Variants in ASIC2 observed in about 807,000 individuals in gnomAD.
The protein encoded by ASIC2 is acid-sensing ion channel 2.
A neutral mutation model predicts 57.3 loss-of-function variants in ASIC2; 25 were observed. That is an observed-to-expected ratio of 0.44 (90% CI 0.32 to 0.61). ASIC2 has a LOEUF of 0.61. Ranked by LOEUF, ASIC2 falls within the 20% of genes least tolerant of loss-of-function variation. ASIC2 has a pLI of 0.06. For synonymous variants in ASIC2, 319 were observed against 307.5 expected (o/e 1.04, Z -0.39); for missense variants, 641 against 738.1 (o/e 0.87, Z 1.52).
chr17:33,625,187 A>G (rs1268925821), intron 1 of ASIC2, among the ~76,000 whole-genome samples: 3 of 149,346 alleles, frequency 2.0e-5, no homozygotes, highest in South Asian at 2.2e-4. Flanking sequence ...TCTATTATCT[A>G]TCTATTATCT....
At chr17:33,175,218 C>T in intron 1 of ASIC2, among the ~76,000 whole-genome samples, 1 of 152,092 alleles carries the variant, frequency 6.6e-6, no homozygotes, top group East Asian at 1.9e-4. Context: ...AGGCATTTTT[C>T]TTTTGCAAAA....
At chr17:33,728,198 G>A (rs987065761) in intron 1 of ASIC2, among the ~76,000 whole-genome samples, 13 of 152,208 alleles carry the variant, frequency 8.5e-5, no homozygotes, top group African/African-American at 2.6e-4. Context: ...AAGAAGAGCC[G>A]CCACACAGAG....
chr17:33,249,242 G>A (rs181730994), intron 1 of ASIC2, among the ~76,000 whole-genome samples: 88 of 152,214 alleles, frequency 5.8e-4, no homozygotes, highest in African/African-American at 2.0e-3. Flanking sequence ...AATAGGTTTC[G>A]GGAGTAAGAA....
At chr17:33,329,795 T>G (rs1028719639) in intron 1 of ASIC2, among the ~76,000 whole-genome samples, 4 of 152,184 alleles carry the variant, frequency 2.6e-5, no homozygotes, top group Non-Finnish European at 5.9e-5. Flanking sequence ...CATGAATGTT[T>G]GTGAGGATCA....
At chr17:34,023,436 G>A (rs1308597509) in intron 1 of ASIC2, among the ~76,000 whole-genome samples, 1 of 151,620 alleles carries the variant, frequency 6.6e-6, no homozygotes, top group Non-Finnish European at 1.5e-5. Context: ...CTGCTGCAGA[G>A]GCTCACACAC....
chr17:33,203,821 C>T (rs1906965912), intron 1 of ASIC2, among the ~76,000 whole-genome samples: 1 of 152,194 alleles, frequency 6.6e-6, no homozygotes, highest in Non-Finnish European at 1.5e-5. Context: ...GTGGGGCAGG[C>T]CAGTGTCTAG....
At chr17:33,688,134 C>T (rs1259839227) in intron 1 of ASIC2, among the ~76,000 whole-genome samples, 1 of 152,126 alleles carries the variant, frequency 6.6e-6, no homozygotes, top group Non-Finnish European at 1.5e-5. Flanking sequence ...TTTTGCAAAC[C>T]ACCTTTATCA....
At chr17:33,097,455 G>A (rs753508737) in intron 2 of ASIC2, among the ~76,000 whole-genome samples, 33 of 152,228 alleles carry the variant, frequency 2.2e-4, no homozygotes, top group Admixed American at 3.3e-4. Flanking sequence ...TCACGGCTGC[G>A]TAGAATTTTG....
chr17:33,155,503 G>A (rs557669687), intron 1 of ASIC2, among the ~76,000 whole-genome samples: 1 of 149,888 alleles, frequency 6.7e-6, no homozygotes, highest in Admixed American at 6.6e-5. Context: ...GGCTTCTTTG[G>A]CCATTTCTGC....
chr17:33,478,289 C>T (rs184620207), intron 1 of ASIC2, among the ~76,000 whole-genome samples: 10 of 152,306 alleles, frequency 6.6e-5, no homozygotes, highest in East Asian at 1.9e-4. Flanking sequence ...TCCCTTTGGG[C>T]GCCCAGGGGC....
chr17:33,896,582 G>A (rs1915104143), intron 1 of ASIC2, among the ~76,000 whole-genome samples: 1 of 152,242 alleles, frequency 6.6e-6, no homozygotes, highest in Admixed American at 6.5e-5. Context: ...CCTCAAGGAT[G>A]CATTAGCCCA....
intron 1 of ASIC2, among the ~76,000 whole-genome samples, chr17:33,230,515 T>G (rs319746): frequency 0.78 from 118,102 of 152,136 alleles, 46,481 homozygotes; most frequent in African/African-American, 0.89. Flanking sequence ...CAGAGCAGGG[T>G]TGTGGACTGA....
intron 1 of ASIC2, among the ~76,000 whole-genome samples, chr17:33,344,139 G>C (rs1276566409): frequency 1.3e-5 from 2 of 152,222 alleles, no homozygotes; most frequent in African/African-American, 4.8e-5. Context: ...GTTGAGGGCA[G>C]GGATCATGTT....
At chr17:33,123,502 A>G (rs1302585331) in intron 1 of ASIC2, among the ~76,000 whole-genome samples, 2 of 152,148 alleles carry the variant, frequency 1.3e-5, no homozygotes, top group Admixed American at 1.3e-4. Context: ...TTTTTTAAAC[A>G]GTTGCTTGCC....
intron 1 of ASIC2, among the ~76,000 whole-genome samples, chr17:33,355,523 G>A (rs1257981068): frequency 6.6e-6 from 1 of 151,558 alleles, no homozygotes; most frequent in Non-Finnish European, 1.5e-5. Flanking sequence ...TGGGGGCGGG[G>A]GCTTTAAAGA....
intron 1 of ASIC2, among the ~76,000 whole-genome samples, chr17:33,224,088 G>A (rs1907789163): frequency 6.6e-6 from 1 of 152,174 alleles, no homozygotes; most frequent in Non-Finnish European, 1.5e-5. Flanking sequence ...GCTTGGACAC[G>A]TTGTCTCAAT....
chr17:33,405,871 C>A (rs1910456207), intron 1 of ASIC2, among the ~76,000 whole-genome samples: 1 of 152,092 alleles, frequency 6.6e-6, no homozygotes, highest in African/African-American at 2.4e-5. Context: ...CCCCAGGAGA[C>A]AATATTCCTC....
chr17:33,478,698 C>G (rs1913308479), intron 1 of ASIC2, among the ~76,000 whole-genome samples: 1 of 152,178 alleles, frequency 6.6e-6, no homozygotes, highest in Non-Finnish European at 1.5e-5. Context: ...CCTGGGTCCC[C>G]TAGTTCTACC....
intron 1 of ASIC2, among the ~76,000 whole-genome samples, chr17:33,570,419 C>T (rs556146067): frequency 8.5e-5 from 13 of 152,318 alleles, no homozygotes; most frequent in East Asian, 1.9e-4. Flanking sequence ...ATTCTCAGAC[C>T]GCTGTACTTA....
Sources: gnomAD v4.1 joint callset for allele counts (sites outside exome capture counted in the v4.1 genomes callset) on GRCh38, gnomAD v4.1.1 for gene constraint, MANE v1.5 for transcripts, NCBI Gene and HGNC (gene_info 2026-07-23, HGNC 2026-07-21) for gene names.